Variants in SLU7 observed in about 807,000 individuals in gnomAD.
SLU7 encodes spliceosome associated SLU7, also known as pre-mRNA-splicing factor SLU7.
SLU7 carries 60 observed loss-of-function variants against 87.0 expected under a neutral mutation model. The observed-to-expected ratio is 0.69, with a 90% CI of 0.56 to 0.86. SLU7 has a LOEUF of 0.86. SLU7 is among the 40% of genes least tolerant of loss of function. SLU7 has a pLI of 0.00. For missense variants in SLU7, 507 were observed against 686.6 expected, an observed-to-expected ratio of 0.74 and a Z score of 2.92; for synonymous variants, 197 against 222.0, an observed-to-expected ratio of 0.89 and a Z score of 1.00.
At position 160,407,914 on chromosome 5, in the gene SLU7, C is replaced by T. The variant is rs1765073812; in HGVS notation, c.917+57G>A. On this transcript the variant is annotated intron_variant, in intron 9 of 15. Transcript: ENST00000297151. The surrounding 1 kb of genome is among the most constrained non-coding windows in gnomAD (Gnocchi z 4.2). ...AAATGAACACCATCTATGGTCAGGT[C>T]AGAAAACAATTAACTTTCTCTCATC... The T allele has an allele frequency of 6.7e-7, 1 of 1,485,680 alleles. No homozygotes were observed. The allele number at this position is 1,485,680 out of a possible 1,614,324, so 92.0% of individuals were successfully genotyped here.
At chr5:160,403,933 GAAGGC>G (rs1764890698) in intron 15 of SLU7, among the ~76,000 whole-genome samples, 1 of 152,152 alleles carries the variant, frequency 6.6e-6, no homozygotes, top group South Asian at 2.1e-4. Context: ...ACTCCAAGAA[GAAGGC>G]AATACCTACA....
At chr5:160,408,162 AAATG>A in intron 8 of SLU7, 94 bp from the exon 9 acceptor site, 1 of 1,148,530 alleles carries the variant, frequency 8.7e-7, no homozygotes, top group Non-Finnish European at 1.3e-6. Context: ...TCAATTAAAT[AAATG>A]TGTGTATACA....
chr5:160,413,117 G>T (rs1032184374), intron 5 of SLU7, among the ~76,000 whole-genome samples: 3 of 152,114 alleles, frequency 2.0e-5, no homozygotes, highest in Admixed American at 2.0e-4. Flanking sequence ...ATAGGTTCAT[G>T]GGCAAGCTAT....
In SLU7 at chr5:160,415,187, C is replaced by A; in HGVS notation, c.108G>T (p.Lys36Asn). 6.2e-7 allele frequency: 1 copy of A among 1,612,260 alleles called. No individual in the cohort carries two copies. Among genetic ancestry groups the A allele is most frequent in the Non-Finnish European group, 8.5e-7 (1 of 1,179,336 alleles). ...KKMTREDWRK[K>N]KELEEQRKLG... The stretch of plus-strand genomic sequence containing the variant: ...ATTTTCGCTGTTCTTCTAGCTCCTT[C>A]TTCTTTCTCCAGTCCTCTCTGGTCA... Residue 36 changes from lysine to asparagine, a missense_variant, in exon 2 of 16, where the codon AAG becomes AAT. This residue lies in a region of SLU7 where 26 missense variants were observed against 78.9 expected (regional missense o/e 0.33). Coordinates refer to ENST00000297151, the MANE Select transcript of SLU7 (RefSeq NM_006425.5).
In SLU7 at chr5:160,402,977, C is replaced by T. The variant is rs987460936; in HGVS notation, c.*308G>A. The T allele has an allele frequency of 1.2e-4, 19 of 160,816 alleles. No individual in the cohort carries two copies. Among genetic ancestry groups the T allele is most frequent in the Admixed American group, 9.1e-4 (14 of 15,458 alleles). 10.0% of individuals were successfully genotyped at this position (160,816 alleles called of 1,614,324 possible). On this transcript the variant is annotated 3_prime_UTR_variant, in exon 16 of 16. Transcript: ENST00000297151. ...TTGCAGTGAGCCGAGATCGCGCCACCGCACTTCAGCCTGGGCGACAGAGCA... is the reference window on the plus strand; with the variant it reads ...TTGCAGTGAGCCGAGATCGCGCCACTGCACTTCAGCCTGGGCGACAGAGCA...
In SLU7 at chr5:160,404,457, GCT is replaced by G. The variant is rs1382634329; in HGVS notation, c.1562_1563del (p.Lys521ThrfsTer2). ...SSSDSDDEEK[K>X]HEKLKKALNA... ...CAAATTACCTTTTTCAATTTTTCAT[GCT>G]TCTTTTCTTCATCATCACTATCTGA... On this transcript the variant is annotated frameshift_variant, in exon 15 of 16. Coordinates refer to ENST00000297151, the MANE Select transcript of SLU7 (RefSeq NM_006425.5). LOFTEE classifies it high-confidence loss of function. The G allele has an allele frequency of 3.2e-6, 5 of 1,585,194 alleles. No individual in the cohort carries two copies. Among genetic ancestry groups the G allele is most frequent in the Non-Finnish European group, 4.3e-6 (5 of 1,161,374 alleles).
At chr5:160,404,382 C>T in intron 15 of SLU7, 58 bp downstream of exon 15, 1 of 1,133,406 alleles carries the variant, frequency 8.8e-7, no homozygotes, top group Non-Finnish European at 1.3e-6. Flanking sequence ...TAAAAACAAC[C>T]CAAAAAACAA....
intron 11 of SLU7, 109 bp from the exon 12 acceptor site, chr5:160,406,738 G>T: frequency 2.1e-6 from 2 of 943,612 alleles, no homozygotes; most frequent in South Asian, 1.8e-5. Flanking sequence ...TCTTTACTGG[G>T]TTTTGTTATA....
Position 160,403,185 on chromosome 5 carries a change from CAAG to C in SLU7, c.*97_*99del, listed in dbSNP as rs1381720111. 1 of 882,240 alleles carries C rather than the reference CAAG, an allele frequency of 1.1e-6. No individual in the cohort carries two copies. The highest frequency in any genetic ancestry group is 1.7e-6 in the Non-Finnish European group (1 of 600,076). The allele number at this position is 882,240 out of a possible 1,614,324, so 54.7% of individuals were successfully genotyped here. A position where few individuals can be genotyped will look rare whatever the true frequency, so the allele number is the denominator to read the frequency against. On this transcript the variant is annotated 3_prime_UTR_variant, in exon 16 of 16. Coordinates refer to ENST00000297151, the MANE Select transcript of SLU7 (RefSeq NM_006425.5). ...TGAAATATTTATTAAAGCCAGGCAG[CAAG>C]AAGAATAAACAAGGATTTTTCTATC...
In SLU7 at chr5:160,413,524, C is replaced by G. The variant is rs1442072176; in HGVS notation, c.502G>C (p.Asp168His). Reference protein sequence around the residue: ...QLMFDYDGKRDRWNGYNPEEH... With the variant: ...QLMFDYDGKRHRWNGYNPEEH... ...TCTGGATTGTAGCCATTCCACCGAT[C>G]CCTCTTCCCATCATAGTCAAACATC... The change falls in exon 5 of 16, where the codon GAT becomes CAT. Residue 168 changes from aspartate (D) to histidine (H), a missense_variant. This residue lies in a region of SLU7 where 155 missense variants were observed against 154.4 expected (regional missense o/e 1.00). Transcript: ENST00000297151. 2.5e-6 allele frequency: 4 copies of G among 1,613,996 alleles called. No individual in the cohort carries two copies. Among genetic ancestry groups the G allele is most frequent in the Non-Finnish European group, 3.4e-6 (4 of 1,179,894 alleles).
intron 4 of SLU7, 46 bp downstream of exon 4, chr5:160,413,849 AAAAG>A: frequency 7.6e-7 from 1 of 1,322,006 alleles, no homozygotes; most frequent in Non-Finnish European, 1.1e-6. Flanking sequence ...TGACAAAGAA[AAAAG>A]AAAGACTCTG....
chr5:160,414,847 G>A (rs977769031), intron 2 of SLU7, among the ~76,000 whole-genome samples: 25 of 152,102 alleles, frequency 1.6e-4, no homozygotes, highest in Admixed American at 9.8e-4. Context: ...AGATGTGACG[G>A]TAACAACCAG....
rs79701050 is a variant in SLU7 at position 160,403,217 on chromosome 5, A to G, written c.*68T>C. On this transcript the variant is annotated 3_prime_UTR_variant, in exon 16 of 16. Coordinates refer to ENST00000297151, the MANE Select transcript of SLU7 (RefSeq NM_006425.5). ...AATAAACAAGGATTTTTCTATCTAC[A>G]ATCATCAATAAGAAGCTGAAAAGAA... 2.9e-3 allele frequency: 3,636 copies of G among 1,234,252 alleles called. 108 individuals carry two copies. The African/African-American group carries it at 0.05, about 17-fold the overall frequency. 76.5% of individuals were successfully genotyped at this position (1,234,252 alleles called of 1,614,324 possible). A position where few individuals can be genotyped will look rare whatever the true frequency, so the allele number is the denominator to read the frequency against.
At chr5:160,415,648 T>C (rs994567449) in intron 1 of SLU7, among the ~76,000 whole-genome samples, 1 of 152,196 alleles carries the variant, frequency 6.6e-6, no homozygotes, top group Non-Finnish European at 1.5e-5. Context: ...CCTATCTCTG[T>C]ACCCCTTCAA....
intron 6 of SLU7, 34 bp downstream of exon 6, chr5:160,412,417 T>A: frequency 1.6e-6 from 2 of 1,250,000 alleles, no homozygotes; most frequent in Non-Finnish European, 2.3e-6. Flanking sequence ...TTAAAAGAAA[T>A]AAAACCTTTT....
At chr5:160,408,581 G>T in intron 7 of SLU7, 69 bp downstream of exon 7, 3 of 1,374,590 alleles carry the variant, frequency 2.2e-6, no homozygotes, top group East Asian at 2.4e-5. Flanking sequence ...TATTATTAGT[G>T]TTATTTATTA....
intron 2 of SLU7, among the ~76,000 whole-genome samples, chr5:160,414,770 G>A (rs1765383356): frequency 6.6e-6 from 1 of 152,146 alleles, no homozygotes; most frequent in African/African-American, 2.4e-5. Context: ...TCTATCACAA[G>A]AAGTTTTGGT....
Position 160,407,506 on chromosome 5 carries a change from T to G in SLU7, c.1095A>C (p.Lys365Asn). The change falls in exon 11 of 16, where the codon AAA (lysine) becomes AAC (asparagine). Residue 365 changes from lysine to asparagine, a missense_variant. Around this residue, in one of 6 missense-constraint regions of SLU7, gnomAD observed 43 missense variants for 58.4 expected, o/e 0.74. Coordinates refer to ENST00000297151, the MANE Select transcript of SLU7 (RefSeq NM_006425.5). This position sits in a 1 kb window ranked among gnomAD's most constrained non-coding sequence, Gnocchi z 4.2. ...KSFKVKKEDFKEQQKESILEK... is the reference protein window; with the variant it reads ...KSFKVKKEDFNEQQKESILEK... ...CCAGGATGCTTTCTTTCTGCTGTTCTTTGAAATCTTCTTTTTTGACTTTGA... is the reference window on the plus strand; with the variant it reads ...CCAGGATGCTTTCTTTCTGCTGTTCGTTGAAATCTTCTTTTTTGACTTTGA... 2 of 1,611,716 alleles carry G rather than the reference T, an allele frequency of 1.2e-6. No homozygotes were observed. The highest frequency in any genetic ancestry group is 1.7e-6 in the Non-Finnish European group (2 of 1,179,256).
chr5:160,418,947 A>G (rs1765586302), intron 1 of SLU7, 76 bp downstream of exon 1: 1 of 152,124 alleles, frequency 6.6e-6, no homozygotes, highest in Admixed American at 6.5e-5. Context: ...TATATCCAAT[A>G]ATTAGGAGCC....
Sources: gnomAD v4.1 joint callset for allele counts (sites outside exome capture counted in the v4.1 genomes callset) on GRCh38, gnomAD v4.1.1 for gene constraint, gnomAD v4.1.1 regional missense constraint, Gnocchi (gnomAD v3.1) non-coding constraint, MANE v1.5 for transcripts, NCBI Gene and HGNC (gene_info 2026-07-23, HGNC 2026-07-21) for gene names.